Variants in CCSER1 observed in about 807,000 individuals in gnomAD.
CCSER1 encodes the protein coiled-coil serine rich protein 1, also known as serine-rich coiled-coil domain-containing protein 1.
In CCSER1, 41 loss-of-function variants were observed where a neutral mutation model predicts 82.0. That is an observed-to-expected ratio of 0.50 (90% CI 0.39 to 0.65). The LOEUF (loss-of-function observed/expected upper bound fraction) is 0.65, where lower values mean the gene tolerates loss of function less well. Ranked by LOEUF, CCSER1 falls within the 30% of genes least tolerant of loss-of-function variation. The pLI, the probability that CCSER1 is intolerant of heterozygous loss-of-function variation, is 0.00. For synonymous variants in CCSER1, 414 were observed against 383.9 expected (o/e 1.08, Z -0.92); for missense variants, 1,119 against 1,064.2 (o/e 1.05, Z -0.72).
intron 10 of CCSER1, among the ~76,000 whole-genome samples, chr4:91,371,023 A>G (rs944998517): frequency 6.6e-6 from 1 of 151,934 alleles, no homozygotes; most frequent in African/African-American, 2.4e-5. Context: ...CACCACACCC[A>G]GCTAATTTTT....
At chr4:91,438,852 A>G (rs1367900161) in intron 10 of CCSER1, among the ~76,000 whole-genome samples, 4 of 152,218 alleles carry the variant, frequency 2.6e-5, no homozygotes, top group South Asian at 4.1e-4. Flanking sequence ...CTCAGGAGCC[A>G]ATGCGATCAA....
intron 5 of CCSER1, among the ~76,000 whole-genome samples, chr4:90,574,251 A>ATTTTTTTT (rs777629017): frequency 9.3e-5 from 8 of 86,074 alleles, no homozygotes; most frequent in African/African-American, 4.3e-4. Context: ...AAACACATTA[A>ATTTTTTTT]TTTTTTTTTT....
At chr4:90,357,241 A>G (rs1268139741) in intron 3 of CCSER1, among the ~76,000 whole-genome samples, 3 of 151,958 alleles carry the variant, frequency 2.0e-5, no homozygotes, top group Non-Finnish European at 2.9e-5. Flanking sequence ...ATAGTTCCCC[A>G]TAGCAGGTAT....
intron 6 of CCSER1, among the ~76,000 whole-genome samples, chr4:90,649,912 C>T (rs1728403349): frequency 6.6e-6 from 1 of 151,988 alleles, no homozygotes; most frequent in East Asian, 1.9e-4. Flanking sequence ...TGAGACCAGC[C>T]TGGCCAAAAT....
At chr4:90,766,419 A>G (rs1308635526) in intron 7 of CCSER1, among the ~76,000 whole-genome samples, 1 of 152,178 alleles carries the variant, frequency 6.6e-6, no homozygotes, top group Admixed American at 6.5e-5. Flanking sequence ...ATGCTCACCC[A>G]GAAAGCGATC....
At chr4:91,439,433 A>G (rs1323777269) in intron 10 of CCSER1, among the ~76,000 whole-genome samples, 1 of 152,172 alleles carries the variant, frequency 6.6e-6, no homozygotes, top group Non-Finnish European at 1.5e-5. Flanking sequence ...GCAAATGCTG[A>G]GAGACTTTGT....
At chr4:90,238,116 C>A (rs1746136290) in intron 1 of CCSER1, among the ~76,000 whole-genome samples, 1 of 152,186 alleles carries the variant, frequency 6.6e-6, no homozygotes, top group Non-Finnish European at 1.5e-5. Flanking sequence ...AAGGAAAATC[C>A]TGTCAGAATA....
At chr4:90,266,528 A>G (rs1235892682) in intron 1 of CCSER1, among the ~76,000 whole-genome samples, 1 of 152,078 alleles carries the variant, frequency 6.6e-6, no homozygotes, top group Non-Finnish European at 1.5e-5. Flanking sequence ...CCATCCTAGT[A>G]CGTGGTTTTA....
chr4:91,322,175 G>A (rs1240386705), intron 10 of CCSER1, among the ~76,000 whole-genome samples: 1 of 152,006 alleles, frequency 6.6e-6, no homozygotes, highest in African/African-American at 2.4e-5. Context: ...ATATTGATAT[G>A]AACAAAGCAA....
chr4:91,411,947 A>C (rs1016409010), intron 10 of CCSER1, among the ~76,000 whole-genome samples: 1 of 152,018 alleles, frequency 6.6e-6, no homozygotes, highest in Admixed American at 6.6e-5. Context: ...TAATCCTTGG[A>C]CCCTGAAAGG....
chr4:91,183,734 C>G (rs988146556), intron 10 of CCSER1, among the ~76,000 whole-genome samples: 3 of 152,160 alleles, frequency 2.0e-5, no homozygotes, highest in East Asian at 1.9e-4. Flanking sequence ...AAAAAATTAG[C>G]AAATCTGGAG....
chr4:90,727,475 C>T (rs547279609), intron 7 of CCSER1, among the ~76,000 whole-genome samples: 1 of 152,170 alleles, frequency 6.6e-6, no homozygotes, highest in Non-Finnish European at 1.5e-5. Context: ...CTCATTCTAT[C>T]CTTTTCTATC....
Position 91,599,594 on chromosome 4 carries a change from T to A in CCSER1, c.*537T>A, listed in dbSNP as rs1156231557. 6.6e-6 allele frequency: 1 copy of A among 152,208 alleles called. No homozygotes were observed. The highest frequency in any genetic ancestry group is 1.5e-5 in the Non-Finnish European group (1 of 68,084). The allele number at this position is 152,208 out of a possible 1,614,324, so 9.4% of individuals were successfully genotyped here. A position where few individuals can be genotyped will look rare whatever the true frequency, so the allele number is the denominator to read the frequency against. ...GCTTGCATGTAACCTAGAGATGTGTTTGTCTCTATTACATACATTCAAGCT... is the reference window on the plus strand; with the variant it reads ...GCTTGCATGTAACCTAGAGATGTGTATGTCTCTATTACATACATTCAAGCT... On this transcript the variant is annotated 3_prime_UTR_variant, in exon 11 of 11. Coordinates refer to ENST00000509176, the MANE Select transcript of CCSER1 (RefSeq NM_001145065.2).
At position 91,593,467 on chromosome 4, in the gene CCSER1, C is replaced by CTTTTTTTTTT. The variant is rs753973015; in HGVS notation, c.2218-5088_2218-5079dup. 5.1e-4 allele frequency among the ~76,000 whole-genome samples: 28 copies of CTTTTTTTTTT among 55,020 alleles called. 4 individuals carry two copies. The highest frequency in any genetic ancestry group is 1.5e-3 in the African/African-American group (20 of 13,608). The allele number at this position is 55,020 out of a possible 152,430, so 36.1% of individuals were successfully genotyped here. ...TAACTGTCTTGTTTTCAACCCCGTG[C>CTTTTTTTTTT]TTTTTTTTTTTTTTTTTTTTTTTTT... is the stretch of plus-strand genomic sequence containing the variant. On this transcript the variant is annotated intron_variant, in intron 10 of 10. Coordinates refer to ENST00000509176, the MANE Select transcript of CCSER1 (RefSeq NM_001145065.2).
chr4:90,524,613 C>A (rs1224392582), intron 5 of CCSER1, among the ~76,000 whole-genome samples: 1 of 151,996 alleles, frequency 6.6e-6, no homozygotes, highest in Non-Finnish European at 1.5e-5. Context: ...GGACTACGGG[C>A]GCGTGCCACT....
chr4:90,533,617 T>C (rs1429405296), intron 5 of CCSER1, among the ~76,000 whole-genome samples: 3 of 152,244 alleles, frequency 2.0e-5, no homozygotes, highest in Admixed American at 2.0e-4. Flanking sequence ...TGTAGAAGCC[T>C]AGAGATCTTT....
At position 90,628,172 on chromosome 4, in the gene CCSER1, G is replaced by A; in HGVS notation, c.1872G>A (p.Met624Ile). Residue 624 changes from methionine to isoleucine, a missense_variant, in exon 6 of 11, where the codon ATG (methionine) becomes ATA (isoleucine). Met to Ile is a conservative substitution (Grantham distance 10). Coordinates refer to ENST00000509176, the MANE Select transcript of CCSER1 (RefSeq NM_001145065.2). The part of the protein sequence containing the change: ...GGIDSLPFRL[M>I]LQDCTAVKTL... Reference sequence around the variant, plus strand: ...TAGATTCTCTGCCATTCAGACTGATGTTACAGGACTGCACGGCAGTCAAGA... The same window carrying A: ...TAGATTCTCTGCCATTCAGACTGATATTACAGGACTGCACGGCAGTCAAGA... The A allele has an allele frequency of 6.2e-7, 1 of 1,613,920 alleles. No individual in the cohort carries two copies. The highest frequency in any genetic ancestry group is 1.1e-5 in the South Asian group (1 of 91,084).
chr4:90,184,462 T>C (rs966253499), intron 1 of CCSER1, among the ~76,000 whole-genome samples: 13 of 152,186 alleles, frequency 8.5e-5, no homozygotes, highest in African/African-American at 3.1e-4. Context: ...AAAATATTGC[T>C]GGAGCATGGA....
chr4:90,405,932 C>T (rs1753645625), intron 4 of CCSER1, among the ~76,000 whole-genome samples: 1 of 151,654 alleles, frequency 6.6e-6, no homozygotes. Context: ...TCTCACTGAA[C>T]CTATATAACA....
Sources: gnomAD v4.1 joint callset for allele counts (sites outside exome capture counted in the v4.1 genomes callset) on GRCh38, gnomAD v4.1.1 for gene constraint, MANE v1.5 for transcripts, NCBI Gene and HGNC (gene_info 2026-07-23, HGNC 2026-07-21) for gene names.